ATP2B2: variants seen among roughly 807,000 people sequenced by gnomAD.
ATP2B2 encodes plasma membrane calcium-transporting ATPase 2.
A neutral mutation model predicts 120.0 loss-of-function variants in ATP2B2; 15 were observed. The ratio of observed to expected loss-of-function variants is 0.12; its 90% CI spans 0.08 to 0.19. The LOEUF (loss-of-function observed/expected upper bound fraction) is 0.19. Ranked by LOEUF, ATP2B2 falls within the 10% of genes least tolerant of loss-of-function variation. The pLI is 1.00. For synonymous variants in ATP2B2, 694 were observed against 700.3 expected (o/e 0.99, Z 0.14); for missense variants, 1,045 against 1,719.8 (o/e 0.61, Z 6.94).
intron 12 of ATP2B2, among the ~76,000 whole-genome samples, chr3:10,364,349 G>T (rs1346682893): frequency 6.6e-6 from 1 of 152,064 alleles, no homozygotes; most frequent in East Asian, 1.9e-4. Context: ...ACTTGAAAAT[G>T]GTCAAGTTTG....
rs974839747 is a variant in ATP2B2 at position 10,617,861 on chromosome 3, C to T, written c.-415+2056G>A. 2.8e-5 allele frequency among the ~76,000 whole-genome samples: 4 copies of T among 145,244 alleles called. No individual in the cohort carries two copies. In the Admixed American group the frequency reaches 2.8e-4, roughly 10 times the overall value. The stretch of plus-strand genomic sequence containing the variant: ...CAAGGGAGCACGAGCTGGTGTGGCC[C>T]ACCTGGCCCCCACCAGGTGATGGCC... On this transcript the variant is annotated intron_variant, in intron 2 of 21. Coordinates refer to the ATP2B2 transcript ENST00000646379.
In ATP2B2 at chr3:10,338,524, G is replaced by GCCTTTTTTTTTTTTTTTTTTTTTT. The variant is rs1444514191; in HGVS notation, c.3238-167_3238-166insAAAAAAAAAAAAAAAAAAAAAAGG. ...GTTCCTCAGCCCAGTCTTTGACAATGTCTTTTTTTTTTTTTTTTTTTTTTT... is the reference window on the plus strand; with the variant it reads ...GTTCCTCAGCCCAGTCTTTGACAATGCCTTTTTTTTTTTTTTTTTTTTTTTCTTTTTTTTTTTTTTTTTTTTTTT... On this transcript the variant is annotated intron_variant, in intron 21 of 22. Coordinates refer to ENST00000360273, the MANE Select transcript of ATP2B2 (RefSeq NM_001001331.4). Among the ~76,000 whole-genome samples the GCCTTTTTTTTTTTTTTTTTTTTTT allele has an allele frequency of 2.5e-5, 3 of 119,490 alleles. 1 individual carries two copies. The highest frequency in any genetic ancestry group is 3.4e-5 in the African/African-American group (1 of 29,474). The allele number at this position is 119,490 out of a possible 152,430, so 78.4% of individuals were successfully genotyped here. A position where few individuals can be genotyped will look rare whatever the true frequency, so the allele number is the denominator to read the frequency against.
intron 1 of ATP2B2, among the ~76,000 whole-genome samples, chr3:10,706,054 T>C (rs1034987891): frequency 1.3e-5 from 2 of 152,230 alleles, no homozygotes; most frequent in Non-Finnish European, 2.9e-5. Context: ...AATGAGTGTG[T>C]CTCTGAGAGT....
chr3:10,328,732 G>A lies in ATP2B2; in HGVS notation c.*82C>T, dbSNP rs1371731231. 2.1e-6 allele frequency: 3 copies of A among 1,406,842 alleles called. No homozygotes were observed. In the African/African-American group the frequency reaches 4.3e-5, roughly 20 times the overall value. 87.1% of individuals were successfully genotyped at this position (1,406,842 alleles called of 1,614,324 possible). A position where few individuals can be genotyped will look rare whatever the true frequency, so the allele number is the denominator to read the frequency against. On this transcript the variant is annotated 3_prime_UTR_variant, in exon 23 of 23. Coordinates refer to ENST00000360273, the MANE Select transcript of ATP2B2 (RefSeq NM_001001331.4). ...TTGCTCGTTGCTGCTTGGGTGAGTTGGGTGCCTGGATGGATGGGTGCCCGG... is the reference window on the plus strand; with the variant it reads ...TTGCTCGTTGCTGCTTGGGTGAGTTAGGTGCCTGGATGGATGGGTGCCCGG...
chr3:10,449,598 C>G lies in ATP2B2; in HGVS notation c.-55G>C. ...CCAAGGGTCAGCGCTGGACAAGAGGCTGCCGGGTGATGGCTGCTTGTGGCT... is the reference window on the plus strand; with the variant it reads ...CCAAGGGTCAGCGCTGGACAAGAGGGTGCCGGGTGATGGCTGCTTGTGGCT... On this transcript the variant is annotated 5_prime_UTR_variant, in exon 2 of 23. Coordinates refer to ENST00000360273, the MANE Select transcript of ATP2B2 (RefSeq NM_001001331.4). 1 of 1,605,288 alleles carries G rather than the reference C, an allele frequency of 6.2e-7. No individual in the cohort carries two copies.
At chr3:10,604,991 T>A (rs2069023443) in intron 2 of ATP2B2, among the ~76,000 whole-genome samples, 1 of 152,222 alleles carries the variant, frequency 6.6e-6, no homozygotes, top group Admixed American at 6.5e-5. Flanking sequence ...CCCTGTCTAT[T>A]AAAAGTGCTC....
chr3:10,391,979 C>A (rs2061866605), intron 5 of ATP2B2, among the ~76,000 whole-genome samples: 1 of 152,128 alleles, frequency 6.6e-6, no homozygotes, highest in African/African-American at 2.4e-5. Context: ...CTTTCCCTCA[C>A]CTCTTGCTCA....
chr3:10,541,678 T>G (rs1177372732), intron 2 of ATP2B2, among the ~76,000 whole-genome samples: 2 of 152,306 alleles, frequency 1.3e-5, no homozygotes, highest in South Asian at 4.1e-4. Context: ...TGTTTTATGA[T>G]CCAGGATATG....
intron 14 of ATP2B2, among the ~76,000 whole-genome samples, chr3:10,354,008 A>G (rs1404642690): frequency 6.6e-6 from 1 of 152,202 alleles, no homozygotes; most frequent in African/African-American, 2.4e-5. Flanking sequence ...CAGGGCATTC[A>G]CGAGGCCCCA....
intron 1 of ATP2B2, among the ~76,000 whole-genome samples, chr3:10,457,426 G>A (rs1356914495): frequency 6.6e-6 from 1 of 152,144 alleles, no homozygotes; most frequent in Non-Finnish European, 1.5e-5. Context: ...GAGTACGCCT[G>A]TAAGTGACCG....
At chr3:10,583,627 G>A (rs1022302223) in intron 2 of ATP2B2, among the ~76,000 whole-genome samples, 5 of 152,170 alleles carry the variant, frequency 3.3e-5, no homozygotes, top group Admixed American at 1.3e-4. Context: ...CTTCATGAAC[G>A]TAGGACAACT....
At chr3:10,464,633 C>T (rs1339569617) in intron 1 of ATP2B2, among the ~76,000 whole-genome samples, 1 of 152,208 alleles carries the variant, frequency 6.6e-6, no homozygotes, top group African/African-American at 2.4e-5. Flanking sequence ...TTCCTCCATC[C>T]CCAGAAGCCT....
In ATP2B2 at chr3:10,379,248, C is replaced by T; in HGVS notation, c.1037G>A (p.Ser346Asn). The T allele has an allele frequency of 1.2e-6, 2 of 1,614,100 alleles. No homozygotes were observed. The highest frequency in any genetic ancestry group is 1.1e-5 in the South Asian group (1 of 91,062). Residue 346 changes from serine to asparagine, a missense_variant, in exon 9 of 23, where the codon AGC becomes AAC. By Grantham distance (46) the Ser-to-Asn change is conservative. Coordinates refer to ENST00000360273, the MANE Select transcript of ATP2B2 (RefSeq NM_001001331.4). ...GGTTAAAACAAAAGGGTTACCTTTG[C>T]TCTGGCTGGCGTCCACATTGCCATC... is the stretch of plus-strand genomic sequence containing the variant. The part of the protein sequence containing the change: ...MQDGNVDASQ[S>N]KAKQQDGAAA...
At chr3:10,484,089 C>T (rs993092720) in intron 1 of ATP2B2, among the ~76,000 whole-genome samples, 4 of 152,222 alleles carry the variant, frequency 2.6e-5, no homozygotes, top group African/African-American at 9.6e-5. Context: ...CTGTGACAGG[C>T]AGCATTGGCG....
Position 10,359,769 on chromosome 3 carries a change from G to A in ATP2B2, c.1901+113C>T, listed in dbSNP as rs558449665. The A allele has an allele frequency of 1.5e-5, 23 of 1,498,246 alleles. No homozygotes were observed. The Admixed American group carries it at 2.1e-4, about 14-fold the overall frequency. 92.8% of individuals were successfully genotyped at this position (1,498,246 alleles called of 1,614,324 possible). On this transcript the variant is annotated intron_variant, in intron 13 of 22. Transcript: ENST00000360273. ...TGGGTGCTAGACGGCCACTCCAGCC[G>A]GGCAGGCTGCTGAGCCTGGCCTGGA...
intron 1 of ATP2B2, among the ~76,000 whole-genome samples, chr3:10,488,779 C>T (rs1379038262): frequency 1.3e-5 from 2 of 152,166 alleles, no homozygotes; most frequent in Non-Finnish European, 2.9e-5. Context: ...ACCATCCTCT[C>T]TCACCACACT....
At chr3:10,356,719 G>C (rs1025798188) in intron 14 of ATP2B2, among the ~76,000 whole-genome samples, 1 of 152,166 alleles carries the variant, frequency 6.6e-6, no homozygotes, top group Non-Finnish European at 1.5e-5. Flanking sequence ...GTGCAAGGAT[G>C]AAGAGTTTTC....
chr3:10,617,610 G>C (rs868387513), intron 2 of ATP2B2, among the ~76,000 whole-genome samples: 1 of 152,244 alleles, frequency 6.6e-6, no homozygotes, highest in South Asian at 2.1e-4. Flanking sequence ...AGCTTGAGAA[G>C]GAAGCAGTCA....
chr3:10,407,150 C>G (rs2062441767), intron 3 of ATP2B2, among the ~76,000 whole-genome samples: 1 of 152,152 alleles, frequency 6.6e-6, no homozygotes, highest in South Asian at 2.1e-4. Context: ...CCCACCCTCC[C>G]CTCTTGGAGC....
Sources: gnomAD v4.1 joint callset for allele counts (sites outside exome capture counted in the v4.1 genomes callset) on GRCh38, gnomAD v4.1.1 for gene constraint, MANE v1.5 for transcripts, NCBI Gene and HGNC (gene_info 2026-07-23, HGNC 2026-07-21) for gene names.